Variants in ARFIP1 observed in about 807,000 individuals in gnomAD.
The protein encoded by ARFIP1 is ARF interacting protein 1.
Under a neutral mutation model 42.5 loss-of-function variants are expected in ARFIP1, and 24 were observed. The observed-to-expected ratio is 0.57, with a 90% CI of 0.41 to 0.80. The LOEUF is 0.80. Ranked by LOEUF, ARFIP1 falls within the 30% of genes least tolerant of loss-of-function variation. The pLI is 0.00. For synonymous variants in ARFIP1, 141 were observed against 153.7 expected (o/e 0.92, Z 0.61); for missense variants, 354 against 434.0 (o/e 0.82, Z 1.64).
chr4:152,781,242 T>TC (rs1348061939), intron 1 of ARFIP1, among the ~76,000 whole-genome samples: 3 of 146,196 alleles, frequency 2.1e-5, no homozygotes, highest in Admixed American at 6.8e-5. Context: ...TTCTTTTTTT[T>TC]TTTTTTTTTT....
intron 8 of ARFIP1, among the ~76,000 whole-genome samples, chr4:152,897,937 T>A (rs1186117181): frequency 6.6e-6 from 1 of 152,046 alleles, no homozygotes; most frequent in Non-Finnish European, 1.5e-5. Context: ...CTGAGTAAAG[T>A]CTCAGAAGAC....
intron 1 of ARFIP1, chr4:152,807,240 T>A (rs1007638187): frequency 1.8e-4 from 27 of 151,958 alleles, no homozygotes; most frequent in African/African-American, 6.5e-4. Flanking sequence ...TAGGAGTACA[T>A]GTCTACAAGT....
chr4:152,824,220 G>A (rs62319872), intron 1 of ARFIP1, among the ~76,000 whole-genome samples: 6,574 of 151,912 alleles, frequency 0.043, 174 homozygotes, highest in South Asian at 0.11. Context: ...GGCTGAGGCA[G>A]GAGAATCACT....
rs1561108574 is a variant in ARFIP1 at position 152,804,270 on chromosome 4, AT to A, written c.-10+24045del. Among the ~76,000 whole-genome samples the A allele has an allele frequency of 8.4e-3, 421 of 50,154 alleles. 89 individuals are homozygous for A. The highest frequency in any genetic ancestry group is 0.04 in the African/African-American group (380 of 9,532). 32.9% of individuals were successfully genotyped at this position (50,154 alleles called of 152,430 possible). On this transcript the variant is annotated intron_variant, in intron 1 of 8. Transcript: ENST00000353617. Reference sequence around the variant, plus strand: ...TATAATATAACATGTATTATATATTATATATATAACATAACATGTATTATAT... The same window carrying A: ...TATAATATAACATGTATTATATATTAATATATAACATAACATGTATTATAT...
intron 1 of ARFIP1, among the ~76,000 whole-genome samples, chr4:152,823,408 AAAAT>A (rs890146432): frequency 7.9e-5 from 12 of 152,354 alleles, no homozygotes; most frequent in East Asian, 1.9e-4. Context: ...TAATTTAAAA[AAAAT>A]AAATAAAACT....
Position 152,911,424 on chromosome 4 carries a change from A to T in ARFIP1, c.*1205A>T, listed in dbSNP as rs1738837721. The stretch of plus-strand genomic sequence containing the variant: ...TGTGGTGGTACCAGGAAGAAAGAGG[A>T]TTGGAAAGGCCAGTACTGTTTTAGT... On this transcript the variant is annotated 3_prime_UTR_variant, in exon 9 of 9. Transcript: ENST00000353617. 6.6e-6 allele frequency: 1 copy of T among 152,286 alleles called. No individual in the cohort carries two copies. 9.4% of individuals were successfully genotyped at this position (152,286 alleles called of 1,614,324 possible). A position where few individuals can be genotyped will look rare whatever the true frequency, so the allele number is the denominator to read the frequency against.
At chr4:152,829,294 T>C (rs1731085037) in intron 1 of ARFIP1, among the ~76,000 whole-genome samples, 1 of 152,210 alleles carries the variant, frequency 6.6e-6, no homozygotes, top group East Asian at 1.9e-4. Flanking sequence ...CTGCTGTAGT[T>C]GAATTAACAA....
At chr4:152,867,010 G>A (rs1734446253) in intron 3 of ARFIP1, among the ~76,000 whole-genome samples, 1 of 150,782 alleles carries the variant, frequency 6.6e-6, no homozygotes. Context: ...TCACTTTCCA[G>A]ACTGGGCAGC....
intron 8 of ARFIP1, among the ~76,000 whole-genome samples, chr4:152,893,412 T>A (rs796376855): frequency 8.9e-5 from 10 of 112,764 alleles, no homozygotes; most frequent in African/African-American, 5.6e-4. Context: ...CAACTCATGT[T>A]TTTTTTTTAG....
intron 1 of ARFIP1, among the ~76,000 whole-genome samples, chr4:152,786,373 G>A (rs1024231507): frequency 6.6e-6 from 1 of 152,056 alleles, no homozygotes; most frequent in Non-Finnish European, 1.5e-5. Flanking sequence ...TTCTTTCTTT[G>A]TTCCTTTTTT....
intron 8 of ARFIP1, among the ~76,000 whole-genome samples, chr4:152,896,854 A>T (rs1737377171): frequency 6.6e-6 from 1 of 152,172 alleles, no homozygotes; most frequent in Non-Finnish European, 1.5e-5. Flanking sequence ...TATAGTCTTT[A>T]ATTTTCCTCT....
rs543499877 is a variant in ARFIP1, at chr4:152,816,785, A to G, written c.-9-12840A>G. Among the ~76,000 whole-genome samples the G allele has an allele frequency of 1.6e-4, 24 of 152,346 alleles. No individual in the cohort carries two copies. In the South Asian group the frequency reaches 2.3e-3, roughly 14 times the overall value. ...GGACTGATGAATGTGTGAGTGAGCA[A>G]TCACCATTCTAGCCAAGTTGCTTTA... On this transcript the variant is annotated intron_variant, in intron 1 of 8. Transcript: ENST00000353617.
intron 2 of ARFIP1, among the ~76,000 whole-genome samples, chr4:152,856,331 TAC>T (rs939173754): frequency 2.7e-4 from 41 of 152,362 alleles, no homozygotes; most frequent in African/African-American, 9.6e-4. Flanking sequence ...ATTCTGGACC[TAC>T]ACAGTCAGCT....
At chr4:152,858,334 A>G (rs936318910) in intron 2 of ARFIP1, among the ~76,000 whole-genome samples, 1 of 152,184 alleles carries the variant, frequency 6.6e-6, no homozygotes, top group African/African-American at 2.4e-5. Flanking sequence ...TTTATGTTCC[A>G]TAGCTCAGGC....
At chr4:152,866,935 G>A (rs1428282912) in intron 3 of ARFIP1, among the ~76,000 whole-genome samples, 2 of 151,836 alleles carry the variant, frequency 1.3e-5, no homozygotes, top group African/African-American at 4.8e-5. Context: ...TTCCTAGATG[G>A]ATGGCGGCCG....
At chr4:152,888,645 G>C (rs570396168) in intron 8 of ARFIP1, among the ~76,000 whole-genome samples, 117 of 152,230 alleles carry the variant, frequency 7.7e-4, no homozygotes, top group African/African-American at 2.7e-3. Flanking sequence ...TTCTATTAAT[G>C]ATAGGTACAG....
intron 1 of ARFIP1, among the ~76,000 whole-genome samples, chr4:152,808,475 A>G (rs28769919): frequency 0.14 from 20,678 of 150,636 alleles, 1,495 homozygotes; most frequent in African/African-American, 0.18. Context: ...GGACATGTGT[A>G]TTTATATTTC....
At chr4:152,896,749 T>TA (rs779691185) in intron 8 of ARFIP1, among the ~76,000 whole-genome samples, 54 of 143,984 alleles carry the variant, frequency 3.8e-4, no homozygotes, top group East Asian at 1.6e-3. Flanking sequence ...TTAAGTTAGC[T>TA]AAAAAAAAAA....
chr4:152,853,681 G>A (rs1054414798), intron 2 of ARFIP1, among the ~76,000 whole-genome samples: 3 of 152,006 alleles, frequency 2.0e-5, no homozygotes, highest in African/African-American at 7.2e-5. Flanking sequence ...TCCTGTATCT[G>A]GATGCCTAAA....
Sources: gnomAD v4.1 joint callset for allele counts (sites outside exome capture counted in the v4.1 genomes callset) on GRCh38, gnomAD v4.1.1 for gene constraint, MANE v1.5 for transcripts, NCBI Gene and HGNC (gene_info 2026-07-23, HGNC 2026-07-21) for gene names.